Variants in KATNIP observed in about 807,000 individuals in gnomAD.
The protein encoded by KATNIP is katanin-interacting protein.
KATNIP carries 126 observed loss-of-function variants against 174.0 expected under a neutral mutation model. The ratio of observed to expected loss-of-function variants is 0.72; its 90% CI spans 0.63 to 0.84. The LOEUF (loss-of-function observed/expected upper bound fraction) is 0.84. KATNIP is among the 40% of genes least tolerant of loss of function. The pLI is 0.00. For synonymous variants in KATNIP, 810 were observed against 835.7 expected (o/e 0.97, Z 0.53); for missense variants, 1,958 against 2,109.7 (o/e 0.93, Z 1.41).
intron 22 of KATNIP, among the ~76,000 whole-genome samples, 200 bp from the exon 23 acceptor site, chr16:27,772,899 A>G (rs1163305451): frequency 3.3e-5 from 5 of 152,098 alleles, no homozygotes; most frequent in South Asian, 2.1e-4. Flanking sequence ...ATGCACACAC[A>G]CACACACATG....
In KATNIP at chr16:27,733,680, T is replaced by TGGAAGAAGAC. The variant is rs2080787639; in HGVS notation, c.1744-6360_1744-6351dup. Among the ~76,000 whole-genome samples, 3 of 151,702 alleles carry TGGAAGAAGAC rather than the reference T, an allele frequency of 2.0e-5. No homozygotes were observed. In the South Asian group the frequency reaches 6.3e-4, roughly 32 times the overall value. On this transcript the variant is annotated intron_variant, in intron 14 of 27. Coordinates refer to ENST00000261588, the MANE Select transcript of KATNIP (RefSeq NM_015202.5). ...GGAAGGAATTTCATGGTGCACTTCA[T>TGGAAGAAGAC]GGAAGAAGACAGAAGAAGGGAGAAA...
chr16:27,681,461 ACCAAACCTGAG>A lies in KATNIP; in HGVS notation c.882_892del (p.Glu294AspfsTer37). The A allele has an allele frequency of 1.9e-6, 3 of 1,614,162 alleles. No homozygotes were observed. The highest frequency in any genetic ancestry group is 2.5e-6 in the Non-Finnish European group (3 of 1,180,012). On this transcript the variant is annotated frameshift_variant, in exon 8 of 28. Coordinates refer to ENST00000261588, the MANE Select transcript of KATNIP (RefSeq NM_015202.5). LOFTEE classifies it high-confidence loss of function. ...GGACAATGCTGAGGTTTTCGTTCCCACCAAACCTGAGCCAAACCTGACTCCCCAAGCTCCTG... is the reference window on the plus strand; with the variant it reads ...GGACAATGCTGAGGTTTTCGTTCCCACCAAACCTGACTCCCCAAGCTCCTG...
intron 14 of KATNIP, among the ~76,000 whole-genome samples, chr16:27,738,245 A>G (rs148121150): frequency 3.3e-3 from 504 of 152,274 alleles, no homozygotes; most frequent in Middle Eastern, 0.01. Context: ...GGGAGGGACC[A>G]TAAGTGGGTG....
intron 14 of KATNIP, among the ~76,000 whole-genome samples, chr16:27,731,313 G>A (rs2080673070): frequency 6.6e-6 from 1 of 152,212 alleles, no homozygotes; most frequent in South Asian, 2.1e-4. Flanking sequence ...GCAGCGCAGT[G>A]TCTCTGAGCC....
intron 14 of KATNIP, among the ~76,000 whole-genome samples, chr16:27,730,566 C>T (rs1567360796): frequency 1.3e-5 from 2 of 152,192 alleles, no homozygotes; most frequent in South Asian, 2.1e-4. Context: ...CTCTTCTCTC[C>T]TCTCTGCCTT....
intron 1 of KATNIP, among the ~76,000 whole-genome samples, chr16:27,570,114 G>C (rs1180430676): frequency 2.6e-5 from 4 of 152,120 alleles, no homozygotes; most frequent in Non-Finnish European, 5.9e-5. Context: ...ACTGAACGCA[G>C]GTCTCATGCT....
intron 16 of KATNIP, 137 bp from the exon 17 acceptor site, chr16:27,751,582 A>G (rs974718332): frequency 4.1e-6 from 3 of 723,310 alleles, no homozygotes; most frequent in African/African-American, 3.5e-5. Flanking sequence ...GTGAAGACTA[A>G]TAAGGCTCAC....
At chr16:27,719,789 C>T (rs2080135371) in intron 13 of KATNIP, among the ~76,000 whole-genome samples, 1 of 151,792 alleles carries the variant, frequency 6.6e-6, no homozygotes, top group African/African-American at 2.4e-5. Flanking sequence ...ACCACTTCAG[C>T]CTCCTGAGTA....
Position 27,740,878 on chromosome 16 carries a change from G to T in KATNIP, c.2581G>T (p.Ala861Ser). The change falls in exon 15 of 28, where the codon GCT becomes TCT. Residue 861 changes from alanine to serine, a missense_variant. Ala to Ser is a moderately conservative substitution (Grantham distance 99). Coordinates refer to ENST00000261588, the MANE Select transcript of KATNIP (RefSeq NM_015202.5). The stretch of plus-strand genomic sequence containing the variant: ...TGGGAGGAGGGGCTCAAGGAAGGAT[G>T]CTGGCAGCAGTAGTCATGGGGACGA... ...ASGRRGSRKDAGSSSHGDDQP... is the reference protein window; with the variant it reads ...ASGRRGSRKDSGSSSHGDDQP... The T allele has an allele frequency of 6.2e-7, 1 of 1,606,798 alleles. No homozygotes were observed. The highest frequency in any genetic ancestry group is 8.5e-7 in the Non-Finnish European group (1 of 1,176,878).
intron 23 of KATNIP, 42 bp downstream of exon 23, chr16:27,773,251 G>C (rs374249785): frequency 1.5e-6 from 2 of 1,351,262 alleles, no homozygotes; most frequent in African/African-American, 2.9e-5. Context: ...CCAGACTGAA[G>C]GGAGCATGGG....
rs535180019 is a variant in KATNIP at position 27,659,193 on chromosome 16, A to C, written c.540+10458A>C. On this transcript the variant is annotated intron_variant, in intron 6 of 27. Transcript: ENST00000261588. Reference sequence around the variant, plus strand: ...TTTCAAAATATTTACATACAGAATAATTTGTTTAGGTTTTTTACTATTTAA... The same window carrying C: ...TTTCAAAATATTTACATACAGAATACTTTGTTTAGGTTTTTTACTATTTAA... 1.6e-4 allele frequency among the ~76,000 whole-genome samples: 24 copies of C among 152,266 alleles called. No homozygotes were observed. The South Asian group carries it at 5.0e-3, about 32-fold the overall frequency.
intron 1 of KATNIP, among the ~76,000 whole-genome samples, chr16:27,571,011 C>T (rs573255594): frequency 7.9e-5 from 12 of 152,196 alleles, no homozygotes; most frequent in African/African-American, 2.4e-4. Context: ...TGCCCAGTTA[C>T]GTTAATATTT....
At chr16:27,770,217 G>A (rs1367940761) in intron 21 of KATNIP, among the ~76,000 whole-genome samples, 199 bp downstream of exon 21, 11 of 152,212 alleles carry the variant, frequency 7.2e-5, no homozygotes, top group Non-Finnish European at 1.6e-4. Context: ...GGGGACATTT[G>A]GGTTTTTCAC....
chr16:27,591,236 G>A (rs1288448198), intron 2 of KATNIP, among the ~76,000 whole-genome samples: 1 of 151,688 alleles, frequency 6.6e-6, no homozygotes, highest in African/African-American at 2.4e-5. Flanking sequence ...CCAGGCTGGA[G>A]TGCAGTGGTG....
chr16:27,757,557 A>T, intron 18 of KATNIP: 8 of 982,950 alleles, frequency 8.1e-6, no homozygotes, highest in Non-Finnish European at 9.7e-6. Context: ...ATGTTATTTC[A>T]GTGCCTTTGG....
At chr16:27,618,387 G>A (rs778677077) in intron 2 of KATNIP, 38 bp from the exon 3 acceptor site, 26 of 1,509,096 alleles carry the variant, frequency 1.7e-5, no homozygotes, top group Non-Finnish European at 2.2e-5. Flanking sequence ...GTGCTTCCCT[G>A]CATTCCGATA....
intron 6 of KATNIP, among the ~76,000 whole-genome samples, chr16:27,654,119 G>C (rs915224873): frequency 1.3e-5 from 2 of 152,144 alleles, no homozygotes; most frequent in South Asian, 2.1e-4. Context: ...GGGACTACAG[G>C]CACGTGCCAA....
chr16:27,606,590 C>T (rs1050489581), intron 2 of KATNIP, among the ~76,000 whole-genome samples: 5 of 151,776 alleles, frequency 3.3e-5, no homozygotes, highest in South Asian at 4.2e-4. Context: ...GTGAGTAAAA[C>T]GTTAGTGCTG....
intron 6 of KATNIP, among the ~76,000 whole-genome samples, chr16:27,671,885 G>A (rs745513835): frequency 2.0e-5 from 3 of 151,968 alleles, no homozygotes; most frequent in Admixed American, 6.6e-5. Flanking sequence ...GTAAAACCCC[G>A]TCTCTACTAA....
Sources: gnomAD v4.1 joint callset for allele counts (sites outside exome capture counted in the v4.1 genomes callset) on GRCh38, gnomAD v4.1.1 for gene constraint, MANE v1.5 for transcripts, NCBI Gene and HGNC (gene_info 2026-07-23, HGNC 2026-07-21) for gene names.